Variants in TVP23A observed in about 807,000 individuals in gnomAD.
TVP23A encodes trans-golgi network vesicle protein 23 homolog A.
TVP23A carries 21 observed loss-of-function variants against 31.7 expected under a neutral mutation model. The observed-to-expected ratio is 0.66, with a 90% CI of 0.47 to 0.95. The LOEUF (loss-of-function observed/expected upper bound fraction) is 0.95, where lower values mean the gene tolerates loss of function less well. Among genes scored for constraint, TVP23A ranks in the 40% least tolerant of loss-of-function variants. The pLI is 0.00. For missense variants in TVP23A, 279 were observed against 255.6 expected (o/e 1.09, Z -0.62); for synonymous variants, 104 against 96.0 (o/e 1.08, Z -0.49).
intron 2 of TVP23A, among the ~76,000 whole-genome samples, chr16:10,811,689 G>A (rs895419129): frequency 2.0e-5 from 3 of 151,932 alleles, no homozygotes; most frequent in Non-Finnish European, 4.4e-5. Flanking sequence ...CGGATCACGA[G>A]GTCAGGAGAT....
At chr16:10,775,293 G>C (rs1335811189) in intron 2 of TVP23A, 197 bp from the exon 3 acceptor site, 1 of 1,407,592 alleles carries the variant, frequency 7.1e-7, no homozygotes, top group Non-Finnish European at 9.2e-7. Flanking sequence ...CAGTCATGCT[G>C]ACACTGTTTT....
At chr16:10,775,297 C>G (rs1023542715) in intron 2 of TVP23A, 5 of 1,402,404 alleles carry the variant, frequency 3.6e-6, no homozygotes, top group Non-Finnish European at 3.7e-6. Flanking sequence ...CATGCTGACA[C>G]TGTTTTTTTT....
intron 2 of TVP23A, among the ~76,000 whole-genome samples, chr16:10,799,419 C>T (rs1005472924): frequency 8.5e-5 from 13 of 152,136 alleles, no homozygotes; most frequent in Admixed American, 5.2e-4. Flanking sequence ...CTGCAACCTC[C>T]GACTCCCAGG....
At chr16:10,797,133 G>A (rs536469386) in intron 2 of TVP23A, among the ~76,000 whole-genome samples, 9 of 151,558 alleles carry the variant, frequency 5.9e-5, no homozygotes, top group Non-Finnish European at 8.8e-5. Context: ...AGGCTATAAT[G>A]AGCCCTGATC....
At chr16:10,762,558 C>T (rs530835212), downstream of TVP23A, among the ~76,000 whole-genome samples, 5 of 152,326 alleles carry the variant, frequency 3.3e-5, no homozygotes, top group Admixed American at 6.5e-5. Context: ...CGGAGCCGGG[C>T]GGGCCTCCGT....
chr16:10,786,918 T>C (rs1194683489), intron 2 of TVP23A, among the ~76,000 whole-genome samples: 2 of 151,052 alleles, frequency 1.3e-5, no homozygotes, highest in African/African-American at 2.4e-5. Context: ...GGTACCTAGA[T>C]GGCCCAGCTG....
At chr16:10,758,115 A>C, downstream of TVP23A, 33 of 1,460,504 alleles carry the variant, frequency 2.3e-5, no homozygotes, top group Non-Finnish European at 2.9e-5. Flanking sequence ...CTCTGGTCTC[A>C]CCAAGGCTCT....
chr16:10,789,551 G>A lies in TVP23A; in HGVS notation c.90-14455C>T, dbSNP rs902993008. Among the ~76,000 whole-genome samples the A allele has an allele frequency of 3.6e-4, 54 of 151,738 alleles. 1 individual carries two copies. The highest frequency in any genetic ancestry group is 1.3e-3 in the African/African-American group (53 of 41,292). ...TACATTCAAGATATACATTGGGGCT[G>A]GGTGTGGTGATTCACACCTGTAATC... On this transcript the variant is annotated intron_variant, in intron 2 of 7. Transcript: ENST00000299866.
downstream of TVP23A, chr16:10,757,750 C>T: frequency 8.3e-7 from 1 of 1,210,796 alleles, no homozygotes; most frequent in Non-Finnish European, 1.2e-6. The surrounding 1 kb of genome is among the most constrained non-coding windows in gnomAD (Gnocchi z 4.1). Context: ...ATTGCTTGAG[C>T]CTCAGAGTTA....
chr16:10,758,027 G>A, downstream of TVP23A: 1 of 1,611,724 alleles, frequency 6.2e-7, no homozygotes, highest in Non-Finnish European at 8.5e-7. Context: ...CCACTCCCCA[G>A]GTGAGCGAGC....
chr16:10,797,879 G>C (rs1199788402), intron 2 of TVP23A, among the ~76,000 whole-genome samples: 1 of 151,666 alleles, frequency 6.6e-6, no homozygotes, highest in East Asian at 1.9e-4. Flanking sequence ...GAATGAGGGT[G>C]ATAGGGACAT....
chr16:10,773,210 A>G, intron 5 of TVP23A, 103 bp downstream of exon 5: 1 of 1,392,912 alleles, frequency 7.2e-7, no homozygotes, highest in Admixed American at 2.6e-5. Context: ...ACTTGTTATA[A>G]TTGATCAATC....
chr16:10,797,702 A>G (rs2033464638), intron 2 of TVP23A, among the ~76,000 whole-genome samples: 5 of 152,116 alleles, frequency 3.3e-5, no homozygotes. Context: ...CCTTGATGAC[A>G]AAGTGAGATA....
intron 2 of TVP23A, among the ~76,000 whole-genome samples, chr16:10,790,701 T>C (rs1425363056): frequency 6.6e-6 from 1 of 152,178 alleles, no homozygotes; most frequent in Non-Finnish European, 1.5e-5. Context: ...TGAAAATTTA[T>C]GGTTTGTAGG....
At chr16:10,811,751 A>G (rs1185980258) in intron 2 of TVP23A, among the ~76,000 whole-genome samples, 3 of 151,874 alleles carry the variant, frequency 2.0e-5, no homozygotes, top group Non-Finnish European at 4.4e-5. Flanking sequence ...AAAAATACAA[A>G]AAGTTAGCCG....
intron 6 of TVP23A, among the ~76,000 whole-genome samples, chr16:10,770,592 G>C (rs1222966683): frequency 6.7e-6 from 1 of 150,194 alleles, no homozygotes; most frequent in Non-Finnish European, 1.5e-5. Flanking sequence ...ACAAAAACAA[G>C]CTGGGCACGG....
intron 5 of TVP23A, among the ~76,000 whole-genome samples, chr16:10,772,460 C>T (rs1231424218): frequency 2.0e-5 from 3 of 152,110 alleles, no homozygotes; most frequent in Admixed American, 6.6e-5. Context: ...ACCTCCGCCT[C>T]CTGGGTTCAA....
Position 10,775,092 on chromosome 16 carries a change from G to A in TVP23A, c.94C>T (p.Pro32Ser). The change falls in exon 3 of 8, where the codon CCC (proline) becomes TCC (serine). Residue 32 changes from proline to serine, a missense_variant. Transcript: ENST00000299866. Reference sequence around the variant, plus strand: ...AACAGGTGGAAAAAGGTGGCCAAGGGGTGTCTAGGAAAGGACCCAGAAGGC... The same window carrying A: ...AACAGGTGGAAAAAGGTGGCCAAGGAGTGTCTAGGAAAGGACCCAGAAGGC... The part of the protein sequence containing the change: ...LAFRKAKIRH[P>S]LATFFHLFFR... The A allele has an allele frequency of 6.2e-7, 1 of 1,607,292 alleles. No individual in the cohort carries two copies. Among genetic ancestry groups the A allele is most frequent in the Non-Finnish European group, 8.5e-7 (1 of 1,177,004 alleles).
At chr16:10,816,292 T>G (rs919309355) in intron 2 of TVP23A, among the ~76,000 whole-genome samples, 1 of 148,476 alleles carries the variant, frequency 6.7e-6, no homozygotes, top group Non-Finnish European at 1.5e-5. Context: ...AGCCACCATA[T>G]ATGATGAAAG....
Sources: allele counts gnomAD v4.1 joint callset (sites outside exome capture counted in the v4.1 genomes callset), GRCh38; gene constraint gnomAD v4.1.1; non-coding constraint Gnocchi (gnomAD v3.1); transcripts MANE v1.5; gene names NCBI Gene and HGNC (gene_info 2026-07-23, HGNC 2026-07-21).